TSC1: variants seen among roughly 807,000 people sequenced by gnomAD.
The protein encoded by TSC1 is TSC complex subunit 1.
In TSC1, 20 loss-of-function variants were observed where a neutral mutation model predicts 124.3. The observed-to-expected ratio is 0.16, with a 90% confidence interval of 0.11 to 0.23. The LOEUF is 0.23. Among genes scored for constraint, TSC1 ranks in the 10% least tolerant of loss-of-function variants. TSC1 has a pLI of 1.00. For missense variants in TSC1, 1,124 were observed against 1,448.5 expected, an observed-to-expected ratio of 0.78 and a Z score of 3.64; for synonymous variants, 493 against 539.1, an observed-to-expected ratio of 0.91 and a Z score of 1.19.
At chr9:132,910,331 A>T in intron 12 of TSC1, 1 of 609,090 alleles carries the variant, frequency 1.6e-6, no homozygotes, top group Non-Finnish European at 2.9e-6. Context: ...AAATCAAGAG[A>T]GTAGGTTTGA....
chr9:132,909,954 T>A (rs774175808), intron 12 of TSC1: 5 of 153,700 alleles, frequency 3.3e-5, no homozygotes, highest in Admixed American at 3.2e-4. Flanking sequence ...TGTGCCATCA[T>A]TGCAGATGCC....
At chr9:132,915,565 T>C (rs1226130098) in intron 8 of TSC1, among the ~76,000 whole-genome samples, 1 of 152,206 alleles carries the variant, frequency 6.6e-6, no homozygotes, top group Non-Finnish European at 1.5e-5. Flanking sequence ...TAGTCAAGCA[T>C]AAACTATTTT....
rs1440402846 is a variant in TSC1 at position 132,906,839 on chromosome 9, A to G, written c.1334-4T>C. ...CCTTTGCTGCCAGGTGGCTCTTCTGAAGAGAAACAAAGACAACTGAAGTCA... is the reference window on the plus strand; with the variant it reads ...CCTTTGCTGCCAGGTGGCTCTTCTGGAGAGAAACAAAGACAACTGAAGTCA... On this transcript the variant is annotated splice_region_variant and splice_polypyrimidine_tract_variant and intron_variant, in intron 13 of 22. Coordinates refer to ENST00000298552, the MANE Select transcript of TSC1 (RefSeq NM_000368.5). The surrounding 1 kb of genome is among the most constrained non-coding windows in gnomAD (Gnocchi z 4.1). 1 of 1,612,452 alleles carries G rather than the reference A, an allele frequency of 6.2e-7. No individual in the cohort carries two copies. Among genetic ancestry groups the G allele is most frequent in the Non-Finnish European group, 8.5e-7 (1 of 1,178,576 alleles).
At chr9:132,927,428 GC>G in intron 3 of TSC1, 124 bp from the exon 4 acceptor site, 1 of 857,796 alleles carries the variant, frequency 1.2e-6, no homozygotes, top group Middle Eastern at 2.3e-4. Context: ...GTTTTGTGCA[GC>G]ATTACAGTTC....
In TSC1 at chr9:132,896,155, A is replaced by C; in HGVS notation, c.*80T>G. 1 of 1,600,162 alleles carries C rather than the reference A, an allele frequency of 6.2e-7. No homozygotes were observed. The highest frequency in any genetic ancestry group is 8.5e-7 in the Non-Finnish European group (1 of 1,170,686). ...GAACTTGCACTCAGACCCTGGAAAC[A>C]GGAAAGCTTTGAAACGTGCATTCAC... On this transcript the variant is annotated 3_prime_UTR_variant, in exon 23 of 23. Transcript: ENST00000298552. The surrounding 1 kb of genome is among the most constrained non-coding windows in gnomAD (Gnocchi z 4.5).
In TSC1 at chr9:132,891,891, C is replaced by A. The variant is rs1187486929; in HGVS notation, c.*4344G>T. The A allele has an allele frequency of 4.3e-6, 1 of 233,612 alleles. No homozygotes were observed. Among genetic ancestry groups the A allele is most frequent in the Non-Finnish European group, 8.5e-6 (1 of 118,008 alleles). 14.5% of individuals were successfully genotyped at this position (233,612 alleles called of 1,614,324 possible). A position where few individuals can be genotyped will look rare whatever the true frequency, so the allele number is the denominator to read the frequency against. On this transcript the variant is annotated 3_prime_UTR_variant, in exon 23 of 23. Transcript: ENST00000298552. ...TGGGGAAAGGGAGGGAAGGGTTGGT[C>A]TGGGGGTTCTCAGACTCTCAGGGTT...
rs35234317 is a variant in TSC1, at chr9:132,908,901, C to CTTTTTTTTTTTTTTTTTTT, written c.1264-1532_1264-1531insAAAAAAAAAAAAAAAAAAA. Among the ~76,000 whole-genome samples, 42 of 121,518 alleles carry CTTTTTTTTTTTTTTTTTTT rather than the reference C, an allele frequency of 3.5e-4. 4 individuals are homozygous for CTTTTTTTTTTTTTTTTTTT. Among genetic ancestry groups the CTTTTTTTTTTTTTTTTTTT allele is most frequent in the African/African-American group, 1.3e-3 (39 of 30,150 alleles). The allele number at this position is 121,518 out of a possible 152,430, so 79.7% of individuals were successfully genotyped here. Reference sequence around the variant, plus strand: ...TTAAAACCCACTAGTCTACCTTGCACTTTTTTTTTTTTTTTTTGTGACAGT... The same window carrying CTTTTTTTTTTTTTTTTTTT: ...TTAAAACCCACTAGTCTACCTTGCACTTTTTTTTTTTTTTTTTTTTTTTTTTTTTTTTTTTTGTGACAGT... On this transcript the variant is annotated intron_variant, in intron 12 of 22. Coordinates refer to ENST00000298552, the MANE Select transcript of TSC1 (RefSeq NM_000368.5).
intron 6 of TSC1, among the ~76,000 whole-genome samples, 167 bp from the exon 7 acceptor site, chr9:132,922,140 C>T (rs904808175): frequency 1.3e-5 from 2 of 152,202 alleles, no homozygotes; most frequent in Non-Finnish European, 2.9e-5. Context: ...AATCCGAACA[C>T]ACCAGACACC....
In TSC1 at chr9:132,902,922, G is replaced by A; in HGVS notation, c.2209-135C>T. 1.8e-6 allele frequency: 2 copies of A among 1,133,302 alleles called. No homozygotes were observed. Among genetic ancestry groups the A allele is most frequent in the Non-Finnish European group, 2.6e-6 (2 of 767,034 alleles). The allele number at this position is 1,133,302 out of a possible 1,614,324, so 70.2% of individuals were successfully genotyped here. A position where few individuals can be genotyped will look rare whatever the true frequency, so the allele number is the denominator to read the frequency against. Reference sequence around the variant, plus strand: ...CTAACTACAGACCAAAACTCTTAGAGCTCACTACTGTCTTACTTGGCCTTA... The same window carrying A: ...CTAACTACAGACCAAAACTCTTAGAACTCACTACTGTCTTACTTGGCCTTA... On this transcript the variant is annotated intron_variant, in intron 17 of 22. Transcript: ENST00000298552. This position sits in a 1 kb window ranked among gnomAD's most constrained non-coding sequence, Gnocchi z 5.2.
In TSC1 at chr9:132,896,168, AACG is replaced by A; in HGVS notation, c.*64_*66del. On this transcript the variant is annotated 3_prime_UTR_variant, in exon 23 of 23. Transcript: ENST00000298552. The surrounding 1 kb of genome is among the most constrained non-coding windows in gnomAD (Gnocchi z 4.5). The stretch of plus-strand genomic sequence containing the variant: ...GACCCTGGAAACAGGAAAGCTTTGA[AACG>A]TGCATTCACACCTCCTGTTCTGTGC... 6.2e-7 allele frequency: 1 copy of A among 1,607,446 alleles called. No homozygotes were observed. Among genetic ancestry groups the A allele is most frequent in the Non-Finnish European group, 8.5e-7 (1 of 1,175,524 alleles).
At chr9:132,935,212 G>T (rs1356566928) in intron 1 of TSC1, 117 bp from the exon 2 acceptor site, 1 of 395,700 alleles carries the variant, frequency 2.5e-6, no homozygotes, top group Non-Finnish European at 4.5e-6. Flanking sequence ...TGGCCACCAC[G>T]TTTCCACTGG....
At chr9:132,941,720 G>C (rs771820451) in intron 1 of TSC1, 20 of 152,152 alleles carry the variant, frequency 1.3e-4, no homozygotes, top group Non-Finnish European at 2.4e-4. Context: ...AAGGATAAAT[G>C]ATAAACAGAT....
At chr9:132,928,648 G>T in intron 3 of TSC1, 119 bp downstream of exon 3, 1 of 1,227,532 alleles carries the variant, frequency 8.1e-7, no homozygotes, top group Non-Finnish European at 1.2e-6. Context: ...TACTCTCTTT[G>T]GGTGTTTAAA....
intron 8 of TSC1, among the ~76,000 whole-genome samples, chr9:132,913,151 C>T (rs992664438): frequency 1.5e-4 from 23 of 152,070 alleles, no homozygotes; most frequent in African/African-American, 5.6e-4. Context: ...ATGCTGGTCT[C>T]GAACTTACTG....
At chr9:132,916,007 G>A (rs565012029) in intron 8 of TSC1, among the ~76,000 whole-genome samples, 211 of 152,056 alleles carry the variant, frequency 1.4e-3, no homozygotes, top group African/African-American at 4.5e-3. Context: ...TGATTTTAGA[G>A]GAGAAAATGA....
At chr9:132,927,040 A>G in intron 4 of TSC1, 161 bp downstream of exon 4, 3 of 713,422 alleles carry the variant, frequency 4.2e-6, no homozygotes, top group Non-Finnish European at 7.3e-6. Flanking sequence ...CATGGGTCCT[A>G]CAAAGTAATT....
intron 20 of TSC1, 94 bp downstream of exon 20, chr9:132,900,621 G>C: frequency 6.3e-7 from 1 of 1,596,546 alleles, no homozygotes; most frequent in East Asian, 2.2e-5. Context: ...TAGGAAATAA[G>C]TCATCAAGCC....
In TSC1 at chr9:132,941,265, A is replaced by G. The variant is rs980512518; in HGVS notation, c.-144+3278T>C. 2.0e-5 allele frequency: 3 copies of G among 152,366 alleles called. No homozygotes were observed. The South Asian group carries it at 6.2e-4, about 32-fold the overall frequency. 9.4% of individuals were successfully genotyped at this position (152,366 alleles called of 1,614,324 possible). ...CGAGAGAAAGGACAAGAAGAAACTG[A>G]CAAGGTCCTGAGACAGTGTATTTTA... is the stretch of plus-strand genomic sequence containing the variant. On this transcript the variant is annotated intron_variant, in intron 1 of 22. Transcript: ENST00000298552.
intron 4 of TSC1, chr9:132,925,971 C>T (rs1846838298): frequency 1.8e-6 from 1 of 556,784 alleles, no homozygotes; most frequent in African/African-American, 1.9e-5. Context: ...AAGGACCCTA[C>T]AATACACGCA....
Sources: gnomAD v4.1 joint callset for allele counts (sites outside exome capture counted in the v4.1 genomes callset) on GRCh38, gnomAD v4.1.1 for gene constraint, Gnocchi (gnomAD v3.1) non-coding constraint, MANE v1.5 for transcripts, NCBI Gene and HGNC (gene_info 2026-07-23, HGNC 2026-07-21) for gene names.